The following ENTREP2 variants were observed in gnomAD, a reference collection of about 807,000 sequenced individuals.
ENTREP2 encodes the protein protein ENTREP2.
chr15:29,626,973 C>G, the ENTREP2 span, among the ~76,000 whole-genome samples: 12 of 152,166 alleles, frequency 7.9e-5, no homozygotes, highest in South Asian at 1.5e-3. Flanking sequence ...TTTCAAAGAG[C>G]CAGCTTTTTC....
chr15:29,370,751 A>G, the ENTREP2 span, among the ~76,000 whole-genome samples: 1 of 152,086 alleles, frequency 6.6e-6, no homozygotes, highest in African/African-American at 2.4e-5. Flanking sequence ...CAGGATAAGG[A>G]GACACGGGCC....
At chr15:29,307,213 T>G in the ENTREP2 span, among the ~76,000 whole-genome samples, 2 of 152,254 alleles carry the variant, frequency 1.3e-5, no homozygotes. Context: ...CAAAAAAAAT[T>G]GACAATTATC....
At chr15:29,124,528 A>G in the ENTREP2 span, among the ~76,000 whole-genome samples, 1 of 152,042 alleles carries the variant, frequency 6.6e-6, no homozygotes, top group Non-Finnish European at 1.5e-5. Context: ...CGAGAGACAA[A>G]GGAAGAGAAA....
the ENTREP2 span, among the ~76,000 whole-genome samples, chr15:29,177,551 C>T: frequency 1.4e-4 from 22 of 152,242 alleles, no homozygotes; most frequent in South Asian, 6.2e-4. Context: ...GAGCCCACAA[C>T]GCAGCAAGCA....
the ENTREP2 span, among the ~76,000 whole-genome samples, chr15:29,389,053 T>C: frequency 8.9e-4 from 135 of 151,774 alleles, no homozygotes; most frequent in African/African-American, 3.2e-3. Context: ...ACATGGCACA[T>C]GTATACATAT....
At chr15:29,449,373 G>A in the ENTREP2 span, among the ~76,000 whole-genome samples, 2 of 152,186 alleles carry the variant, frequency 1.3e-5, no homozygotes, top group Non-Finnish European at 2.9e-5. Context: ...AGCTTGGGGA[G>A]GCCCAGGGAG....
the ENTREP2 span, among the ~76,000 whole-genome samples, chr15:29,243,487 A>G: frequency 4.6e-5 from 7 of 152,196 alleles, no homozygotes; most frequent in Non-Finnish European, 1.0e-4. Flanking sequence ...CAACAATGCC[A>G]ATCTATACAG....
chr15:29,478,020 T>TATATTTATATA, the ENTREP2 span, among the ~76,000 whole-genome samples: 2 of 37,842 alleles, frequency 5.3e-5, no homozygotes, highest in African/African-American at 3.6e-4. Flanking sequence ...TATATATATA[T>TATATTTATATA]TTTTTTTTTT....
the ENTREP2 span, among the ~76,000 whole-genome samples, chr15:29,426,801 T>C: frequency 1.3e-5 from 2 of 152,204 alleles, no homozygotes; most frequent in African/African-American, 4.8e-5. Flanking sequence ...CTTTTGGAGT[T>C]GGTATGTGAT....
chr15:29,565,180 A>G, the ENTREP2 span, among the ~76,000 whole-genome samples: 3 of 152,236 alleles, frequency 2.0e-5, no homozygotes, highest in African/African-American at 7.2e-5. Flanking sequence ...TTCAGATCCA[A>G]TGAAATATCT....
the ENTREP2 span, among the ~76,000 whole-genome samples, chr15:29,671,712 A>G: frequency 2.0e-5 from 3 of 152,304 alleles, no homozygotes; most frequent in African/African-American, 7.2e-5. Flanking sequence ...ACCTTTTAAC[A>G]TAAAAATTGG....
At chr15:29,391,787 T>C in the ENTREP2 span, among the ~76,000 whole-genome samples, 1 of 152,198 alleles carries the variant, frequency 6.6e-6, no homozygotes, top group African/African-American at 2.4e-5. Flanking sequence ...TTCAAAATAA[T>C]TTGTTTCCTT....
chr15:29,477,045 A>C, the ENTREP2 span, among the ~76,000 whole-genome samples: 1 of 152,216 alleles, frequency 6.6e-6, no homozygotes, highest in Non-Finnish European at 1.5e-5. Context: ...CTGGTAGGTA[A>C]GTGCACTCAT....
At chr15:29,637,781 A>T in the ENTREP2 span, among the ~76,000 whole-genome samples, 1 of 152,160 alleles carries the variant, frequency 6.6e-6, no homozygotes, top group Admixed American at 6.5e-5. Context: ...GGAGCTAGAG[A>T]AGAGAAGGTA....
the ENTREP2 span, among the ~76,000 whole-genome samples, chr15:29,576,169 T>A: frequency 1.8e-4 from 27 of 152,334 alleles, no homozygotes; most frequent in African/African-American, 6.3e-4. Flanking sequence ...GGTCCATAAA[T>A]AAATCCATAC....
At chr15:29,410,880 G>C in the ENTREP2 span, among the ~76,000 whole-genome samples, 1 of 152,160 alleles carries the variant, frequency 6.6e-6, no homozygotes, top group Non-Finnish European at 1.5e-5. Context: ...CCGCCTCCCA[G>C]GTTCAAGCAA....
At chr15:29,407,837 T>TG in the ENTREP2 span, among the ~76,000 whole-genome samples, 2 of 149,102 alleles carry the variant, frequency 1.3e-5, no homozygotes, top group Non-Finnish European at 3.0e-5. Context: ...CACTAATTTT[T>TG]TGGGGTTTTT....
chr15:29,473,591 T>C, the ENTREP2 span, among the ~76,000 whole-genome samples: 1 of 152,226 alleles, frequency 6.6e-6, no homozygotes, highest in African/African-American at 2.4e-5. Flanking sequence ...CCTGTGGTCT[T>C]GGTTTTAGGA....
the ENTREP2 span, among the ~76,000 whole-genome samples, chr15:29,147,054 G>A: frequency 1.3e-5 from 2 of 152,174 alleles, no homozygotes; most frequent in African/African-American, 4.8e-5. Flanking sequence ...GAAAAAAGCA[G>A]AGAAACTGAA....
Sources: gnomAD v4.1 joint callset for allele counts (sites outside exome capture counted in the v4.1 genomes callset) on GRCh38, gnomAD v4.1.1 for gene constraint, MANE v1.5 for transcripts, NCBI Gene and HGNC (gene_info 2026-07-23, HGNC 2026-07-21) for gene names.